ZNF84: variants seen among roughly 807,000 people sequenced by gnomAD.
The protein encoded by ZNF84 is zinc finger protein 84, also known as zinc finger protein HPF2.
Under a neutral mutation model 14.8 loss-of-function variants are expected in ZNF84, and 12 were observed. That is an observed-to-expected ratio of 0.81 (90% CI 0.52 to 1.31). The LOEUF (loss-of-function observed/expected upper bound fraction) is 1.31. Ranked by LOEUF, ZNF84 falls within the 50% of genes most tolerant of loss-of-function variation. The probability of loss-of-function intolerance (pLI) is 0.00; values close to 1 mark genes in which losing one functional copy is unlikely to be tolerated. For missense variants in ZNF84, 859 were observed against 878.6 expected (o/e 0.98, Z 0.28); for synonymous variants, 347 against 291.1 (o/e 1.19, Z -1.96).
chr12:133,048,690 A>T lies in ZNF84; in HGVS notation c.143-63A>T, dbSNP rs7314140. On this transcript the variant is annotated intron_variant, in intron 3 of 4. Coordinates refer to ENST00000539354, the MANE Select transcript of ZNF84 (RefSeq NM_001289971.2). ...CAACTTTGATGTGAAACCTTGCTCAACTTTAGAGGCCCTAAACCCCAAGCA... is the reference window on the plus strand; with the variant it reads ...CAACTTTGATGTGAAACCTTGCTCATCTTTAGAGGCCCTAAACCCCAAGCA... The T allele has an allele frequency of 0.43, 557,212 of 1,296,676 alleles. 123,045 individuals are homozygous for T. Among genetic ancestry groups the T allele is most frequent in the African/African-American group, 0.6 (40,987 of 68,162 alleles). The allele number at this position is 1,296,676 out of a possible 1,614,324, so 80.3% of individuals were successfully genotyped here. A position where few individuals can be genotyped will look rare whatever the true frequency, so the allele number is the denominator to read the frequency against.
rs939369541 is a variant in ZNF84, at chr12:133,062,892, A to G, written c.*3960A>G. The G allele has an allele frequency of 3.8e-6, 2 of 527,918 alleles. No individual in the cohort carries two copies. Among genetic ancestry groups the G allele is most frequent in the South Asian group, 3.1e-5 (1 of 32,486 alleles). 32.7% of individuals were successfully genotyped at this position (527,918 alleles called of 1,614,324 possible). A position where few individuals can be genotyped will look rare whatever the true frequency, so the allele number is the denominator to read the frequency against. ...TCACTTATGTTTTTGCAAATCTGCA[A>G]TTGAAATGCCCTTGTTCCTTGTTAA... On this transcript the variant is annotated 3_prime_UTR_variant, in exon 5 of 5. Transcript: ENST00000539354.
chr12:133,057,059 A>G lies in ZNF84; in HGVS notation c.344A>G (p.Asn115Ser). The change falls in exon 5 of 5, where the codon AAT becomes AGT. Residue 115 changes from asparagine to serine, a missense_variant. Physicochemically the swap from Asn to Ser is conservative, Grantham distance 46 (BLOSUM62 1). Transcript: ENST00000539354. ...HECDAFGKNF[N>S]LNMNFVPLRK... ...TGTGATGCATTTGGAAAAAATTTCA[A>G]TCTGAACATGAACTTTGTTCCTTTA... The G allele has an allele frequency of 6.2e-7, 1 of 1,613,298 alleles. No homozygotes were observed. The highest frequency in any genetic ancestry group is 8.5e-7 in the Non-Finnish European group (1 of 1,179,816).
At chr12:133,043,186 A>G (rs1451470108) in intron 2 of ZNF84, among the ~76,000 whole-genome samples, 1 of 150,392 alleles carries the variant, frequency 6.6e-6, no homozygotes, top group African/African-American at 2.4e-5. Flanking sequence ...TTTATTTTTT[A>G]TTTTTTTTTG....
In ZNF84 at chr12:133,052,442, A is replaced by AGT. The variant is rs1430372517; in HGVS notation, c.238+3596_238+3597dup. 2.8e-3 allele frequency among the ~76,000 whole-genome samples: 419 copies of AGT among 152,228 alleles called. 1 individual carries two copies. Among genetic ancestry groups the AGT allele is most frequent in the African/African-American group, 9.2e-3 (382 of 41,544 alleles). ...CTGCATCCTTAACCTCCTGGGCTCA[A>AGT]GTGATCCCCCCAAGCAGCTGGGACC... On this transcript the variant is annotated intron_variant, in intron 4 of 4. Transcript: ENST00000539354.
Position 133,058,522 on chromosome 12 carries a change from CT to C in ZNF84, c.1810del (p.Cys604ValfsTer11). The C allele has an allele frequency of 6.2e-7, 1 of 1,613,940 alleles. No homozygotes were observed. The highest frequency in any genetic ancestry group is 8.5e-7 in the Non-Finnish European group (1 of 1,179,966). The part of the protein sequence containing the change: ...HTGEKPYECS[L>X]CRKAFFEKSE... ...TGGAGAGAAACCCTATGAATGCAGT[CT>C]TTGTAGGAAAGCTTTTTTTGAGAAG... On this transcript the variant is annotated frameshift_variant, in exon 5 of 5. Coordinates refer to ENST00000539354, the MANE Select transcript of ZNF84 (RefSeq NM_001289971.2). LOFTEE classifies it low-confidence loss of function (END_TRUNC).
chr12:133,060,424 A>G lies in ZNF84; in HGVS notation c.*1492A>G, dbSNP rs971616318. ...GGACTTACAGTGGGGTTACCTCCCA[A>G]TAAACCCATTGTAAGTTGAAAACAT... is the stretch of plus-strand genomic sequence containing the variant. On this transcript the variant is annotated 3_prime_UTR_variant, in exon 5 of 5. Transcript: ENST00000539354. 13 of 152,234 alleles carry G rather than the reference A, an allele frequency of 8.5e-5. No homozygotes were observed. Among genetic ancestry groups the G allele is most frequent in the South Asian group, 2.1e-4 (1 of 4,836 alleles). The allele number at this position is 152,234 out of a possible 1,614,324, so 9.4% of individuals were successfully genotyped here.
intron 1 of ZNF84, among the ~76,000 whole-genome samples, chr12:133,038,240 T>C (rs925120763): frequency 1.6e-3 from 243 of 152,280 alleles, no homozygotes; most frequent in African/African-American, 5.2e-3. Context: ...ATTTTACTGA[T>C]GGCTTTGAAA....
At chr12:133,038,243 C>T (rs1326537117) in intron 1 of ZNF84, among the ~76,000 whole-genome samples, 2 of 151,880 alleles carry the variant, frequency 1.3e-5, no homozygotes, top group Non-Finnish European at 2.9e-5. Context: ...TTACTGATGG[C>T]TTTGAAATGC....
chr12:133,057,679 A>C lies in ZNF84; in HGVS notation c.964A>C (p.Asn322His). The C allele has an allele frequency of 2.5e-6, 4 of 1,614,080 alleles. No homozygotes were observed. The highest frequency in any genetic ancestry group is 3.4e-6 in the Non-Finnish European group (4 of 1,180,024). Residue 322 changes from asparagine (N) to histidine (H), a missense_variant, in exon 5 of 5, where the codon AAT (asparagine) becomes CAT (histidine). Asn to His is a moderately conservative substitution (Grantham distance 68). Transcript: ENST00000539354. The part of the protein sequence containing the change: ...THTGEKPYGC[N>H]ECGRAFSEKS... ...CACAGGAGAGAAACCCTATGGATGC[A>C]ATGAATGTGGGAGGGCCTTTAGTGA... is the stretch of plus-strand genomic sequence containing the variant.
At chr12:133,051,518 C>T (rs978412700) in intron 4 of ZNF84, among the ~76,000 whole-genome samples, 62 of 152,118 alleles carry the variant, frequency 4.1e-4, no homozygotes, top group Non-Finnish European at 7.8e-4. Flanking sequence ...ACAGCTGGAT[C>T]ACAAATGAAA....
rs1370280176 is a variant in ZNF84 at position 133,060,220 on chromosome 12, T to G, written c.*1288T>G. 3.9e-5 allele frequency: 6 copies of G among 152,222 alleles called. No individual in the cohort carries two copies. Among genetic ancestry groups the G allele is most frequent in the Non-Finnish European group, 8.8e-5 (6 of 68,026 alleles). The allele number at this position is 152,222 out of a possible 1,614,324, so 9.4% of individuals were successfully genotyped here. ...TATTTTGTGCTGCTGTTATGCTTTT[T>G]GTGTTGCATAAAATATCTTGTAAAA... On this transcript the variant is annotated 3_prime_UTR_variant, in exon 5 of 5. Coordinates refer to ENST00000539354, the MANE Select transcript of ZNF84 (RefSeq NM_001289971.2).
Position 133,058,747 on chromosome 12 carries a change from A to G in ZNF84, c.2032A>G (p.Thr678Ala), listed in dbSNP as rs2137427166. 6.2e-7 allele frequency: 1 copy of G among 1,614,042 alleles called. No individual in the cohort carries two copies. Among genetic ancestry groups the G allele is most frequent in the Non-Finnish European group, 8.5e-7 (1 of 1,179,982 alleles). Reference sequence around the variant, plus strand: ...CCTTATACCACATCAAAGGACACATACGGGTGAGAAACCCTATGGATGCAG... The same window carrying G: ...CCTTATACCACATCAAAGGACACATGCGGGTGAGAAACCCTATGGATGCAG... ...SHLIPHQRTH[T>A]GEKPYGCSEC... Residue 678 changes from threonine to alanine, a missense_variant, in exon 5 of 5, where the codon ACG becomes GCG. By Grantham distance (58) the Thr-to-Ala change is moderately conservative. Transcript: ENST00000539354.
At chr12:133,048,445 AT>A in intron 3 of ZNF84, 1 of 291,958 alleles carries the variant, frequency 3.4e-6, no homozygotes. Context: ...GTCATTATCC[AT>A]TTTTCCTGAT....
chr12:133,057,407 G>C lies in ZNF84; in HGVS notation c.692G>C (p.Arg231Thr). 1 of 1,614,058 alleles carries C rather than the reference G, an allele frequency of 6.2e-7. No individual in the cohort carries two copies. Among genetic ancestry groups the C allele is most frequent in the East Asian group, 2.2e-5 (1 of 44,900 alleles). ...SLIKHQSRHI[R>T]DIAFGCGNCG... ...ATTAAACATCAGAGCAGACATATAA[G>C]AGACATAGCCTTTGGCTGTGGTAAT... is the stretch of plus-strand genomic sequence containing the variant. The change falls in exon 5 of 5, where the codon AGA (arginine) becomes ACA (threonine). Residue 231 changes from arginine (R) to threonine (T), a missense_variant. Transcript: ENST00000539354.
intron 4 of ZNF84, among the ~76,000 whole-genome samples, chr12:133,049,778 C>T (rs1335419909): frequency 6.6e-6 from 1 of 152,056 alleles, no homozygotes; most frequent in Non-Finnish European, 1.5e-5. Context: ...TGCATATGGC[C>T]GAATAACCCC....
At chr12:133,056,802 A>G in intron 4 of ZNF84, 152 bp from the exon 5 acceptor site, 1 of 539,606 alleles carries the variant, frequency 1.9e-6, no homozygotes, top group Non-Finnish European at 3.2e-6. Flanking sequence ...TGCAATACCT[A>G]GAAGATAGTT....
chr12:133,062,130 T>G lies in ZNF84; in HGVS notation c.*3198T>G, dbSNP rs1478095290. The G allele has an allele frequency of 6.6e-6, 1 of 152,246 alleles. No individual in the cohort carries two copies. Among genetic ancestry groups the G allele is most frequent in the African/African-American group, 2.4e-5 (1 of 41,470 alleles). 9.4% of individuals were successfully genotyped at this position (152,246 alleles called of 1,614,324 possible). On this transcript the variant is annotated 3_prime_UTR_variant, in exon 5 of 5. Coordinates refer to ENST00000539354, the MANE Select transcript of ZNF84 (RefSeq NM_001289971.2). ...TTTTCTTATTCTCTTACTGCCTGGA[T>G]TTTCCCACTGACCTGGAATTGTGCA...
intron 2 of ZNF84, among the ~76,000 whole-genome samples, chr12:133,044,315 A>AC (rs1953941087): frequency 6.9e-5 from 4 of 58,192 alleles, no homozygotes; most frequent in Non-Finnish European, 7.0e-5. Flanking sequence ...CAGCTAGTTT[A>AC]AATTTTTTTT....
At chr12:133,048,911 C>T (rs1260268655) in intron 4 of ZNF84, 63 bp downstream of exon 4, 28 of 1,387,682 alleles carry the variant, frequency 2.0e-5, no homozygotes, top group African/African-American at 5.7e-5. Context: ...TGGTCAGTGA[C>T]GGGTGGGCTA....
Sources: allele counts gnomAD v4.1 joint callset (sites outside exome capture counted in the v4.1 genomes callset), GRCh38; gene constraint gnomAD v4.1.1; transcripts MANE v1.5; gene names NCBI Gene and HGNC (gene_info 2026-07-23, HGNC 2026-07-21).